The following SDC1 variants were observed in gnomAD, a reference collection of about 807,000 sequenced individuals.
SDC1 encodes syndecan 1, also known as syndecan-1.
Under a neutral mutation model 29.7 loss-of-function variants are expected in SDC1, and 14 were observed. The ratio of observed to expected loss-of-function variants is 0.47; its 90% CI spans 0.31 to 0.74. SDC1 has a LOEUF of 0.74. Ranked by LOEUF, SDC1 falls within the 30% of genes least tolerant of loss-of-function variation. The pLI, the probability that SDC1 is intolerant of heterozygous loss-of-function variation, is 0.05. For synonymous variants in SDC1, 204 were observed against 175.5 expected, an observed-to-expected ratio of 1.16 and a Z score of -1.29; for missense variants, 406 against 400.3, an observed-to-expected ratio of 1.01 and a Z score of -0.12.
At chr2:20,221,655 G>T (rs946319850) in intron 1 of SDC1, among the ~76,000 whole-genome samples, 4 of 152,166 alleles carry the variant, frequency 2.6e-5, no homozygotes, top group Non-Finnish European at 5.9e-5. Context: ...ATTCCCAAGG[G>T]ATTTCAGGAA....
In SDC1 at chr2:20,202,249, T is replaced by A; in HGVS notation, c.*517A>T. 1 of 778,466 alleles carries A rather than the reference T, an allele frequency of 1.3e-6. No homozygotes were observed. The highest frequency in any genetic ancestry group is 1.3e-5 in the South Asian group (1 of 74,324). 48.2% of individuals were successfully genotyped at this position (778,466 alleles called of 1,614,324 possible). On this transcript the variant is annotated 3_prime_UTR_variant, in exon 5 of 5. Transcript: ENST00000254351. ...TATGAACAAAGAACTAGAGGAAACA[T>A]GTGCAAAAACAAGTCGATATCTAGA...
intron 1 of SDC1, among the ~76,000 whole-genome samples, chr2:20,210,343 G>A (rs929730434): frequency 6.6e-6 from 1 of 152,152 alleles, no homozygotes. Context: ...TCTGGTCCTG[G>A]CCCGGCAGAG....
intron 1 of SDC1, among the ~76,000 whole-genome samples, chr2:20,223,858 A>T (rs1354185212): frequency 2.0e-5 from 3 of 152,184 alleles, no homozygotes; most frequent in Admixed American, 6.5e-5. Context: ...GTGGAGCGTC[A>T]GCCCCGCTGA....
At chr2:20,205,641 T>C (rs888938801) in intron 1 of SDC1, among the ~76,000 whole-genome samples, 1 of 152,082 alleles carries the variant, frequency 6.6e-6, no homozygotes, top group African/African-American at 2.4e-5. Context: ...TGGTACTGGG[T>C]GCAGGGCTGC....
intron 2 of SDC1, among the ~76,000 whole-genome samples, 159 bp downstream of exon 2, chr2:20,205,184 C>G (rs1216934435): frequency 1.3e-5 from 2 of 152,232 alleles, no homozygotes; most frequent in East Asian, 3.9e-4. Context: ...GGACCCCATT[C>G]CTCTCCTCAG....
chr2:20,206,909 C>T (rs1328558643), intron 1 of SDC1, among the ~76,000 whole-genome samples: 1 of 152,244 alleles, frequency 6.6e-6, no homozygotes, highest in Admixed American at 6.5e-5. Context: ...GCAGGCCTGT[C>T]TAGAAAGAGG....
Position 20,224,465 on chromosome 2 carries a change from C to A in SDC1, c.66+337G>T, listed in dbSNP as rs1677926924. ...GGGTCACCGACGGGGGCCCGGCCGC[C>A]GCGGTGGCCGGGGCGAGGAGGGTGG... On this transcript the variant is annotated intron_variant, in intron 1 of 4. Coordinates refer to ENST00000254351, the MANE Select transcript of SDC1 (RefSeq NM_002997.5). This position sits in a 1 kb window ranked among gnomAD's most constrained non-coding sequence, Gnocchi z 4.9. Among the ~76,000 whole-genome samples, 1 of 151,444 alleles carries A rather than the reference C, an allele frequency of 6.6e-6. No individual in the cohort carries two copies. Among genetic ancestry groups the A allele is most frequent in the Non-Finnish European group, 1.5e-5 (1 of 67,768 alleles).
At chr2:20,217,261 T>G (rs1336029098) in intron 1 of SDC1, among the ~76,000 whole-genome samples, 8 of 152,228 alleles carry the variant, frequency 5.3e-5, no homozygotes. Flanking sequence ...CTCTCTCGTC[T>G]GGTTCCAGTA....
intron 1 of SDC1, among the ~76,000 whole-genome samples, chr2:20,219,152 C>A (rs1280856698): frequency 6.6e-6 from 1 of 152,066 alleles, no homozygotes; most frequent in Non-Finnish European, 1.5e-5. Flanking sequence ...CCACGGCACA[C>A]CCCCCTTGCC....
At chr2:20,212,134 A>C (rs1182785866) in intron 1 of SDC1, among the ~76,000 whole-genome samples, 2 of 152,208 alleles carry the variant, frequency 1.3e-5, no homozygotes, top group African/African-American at 4.8e-5. Flanking sequence ...TCTGGGAACT[A>C]GACAGGGGTT....
At chr2:20,223,863 C>T (rs887558592) in intron 1 of SDC1, among the ~76,000 whole-genome samples, 1 of 152,210 alleles carries the variant, frequency 6.6e-6, no homozygotes, top group African/African-American at 2.4e-5. Context: ...GCGTCAGCCC[C>T]GCTGAAGGTG....
chr2:20,210,792 T>C (rs1677442212), intron 1 of SDC1, among the ~76,000 whole-genome samples: 2 of 152,094 alleles, frequency 1.3e-5, no homozygotes, highest in Non-Finnish European at 2.9e-5. Flanking sequence ...GACCCAGACC[T>C]GTTCCAGAAG....
rs1677004829 is a variant in SDC1 at position 20,201,432 on chromosome 2, A to G, written c.*1334T>C. On this transcript the variant is annotated 3_prime_UTR_variant, in exon 5 of 5. Coordinates refer to ENST00000254351, the MANE Select transcript of SDC1 (RefSeq NM_002997.5). The stretch of plus-strand genomic sequence containing the variant: ...TTTCCCAACATGTTGGTGTTTGCAG[A>G]AAAGTCCGGTCACGTCACACACAGC... The G allele has an allele frequency of 6.6e-6, 1 of 152,534 alleles. No homozygotes were observed. The highest frequency in any genetic ancestry group is 6.5e-5 in the Admixed American group (1 of 15,288). The allele number at this position is 152,534 out of a possible 1,614,324, so 9.4% of individuals were successfully genotyped here.
At chr2:20,207,975 T>C (rs1677333969) in intron 1 of SDC1, 1 of 985,292 alleles carries the variant, frequency 1.0e-6, no homozygotes, top group Non-Finnish European at 1.2e-6. Flanking sequence ...TGCCCTCTCC[T>C]GCTGCACCGC....
intron 1 of SDC1, among the ~76,000 whole-genome samples, chr2:20,214,989 T>C (rs1277254624): frequency 2.0e-5 from 3 of 152,224 alleles, no homozygotes; most frequent in African/African-American, 7.2e-5. Flanking sequence ...AAAGGAGCTA[T>C]GTCATCTGTC....
chr2:20,223,524 C>G (rs966311024), intron 1 of SDC1: 1 of 323,940 alleles, frequency 3.1e-6, no homozygotes, highest in Non-Finnish European at 6.1e-6. Flanking sequence ...GCCCCTGGCT[C>G]CGCACCTCCC....
At chr2:20,218,442 A>C (rs1316428530) in intron 1 of SDC1, among the ~76,000 whole-genome samples, 1 of 152,208 alleles carries the variant, frequency 6.6e-6, no homozygotes, top group Non-Finnish European at 1.5e-5. Context: ...CTGCAGCCTG[A>C]CAGGGGAAGG....
chr2:20,217,788 C>T, intron 1 of SDC1, among the ~76,000 whole-genome samples: 1 of 152,194 alleles, frequency 6.6e-6, no homozygotes, highest in Non-Finnish European at 1.5e-5. Context: ...CCCCACTGCC[C>T]CAACCTGCCC....
rs11544860 is a variant in SDC1, at chr2:20,224,894, G to A, written c.-27C>T. ...CTGCCCGGACCGGCGGCGGGAGAGCGGCAGGCTGCGCGGGTCGCGGCTGCG... is the reference window on the plus strand; with the variant it reads ...CTGCCCGGACCGGCGGCGGGAGAGCAGCAGGCTGCGCGGGTCGCGGCTGCG... On this transcript the variant is annotated 5_prime_UTR_variant, in exon 1 of 5. Transcript: ENST00000254351. The surrounding 1 kb of genome is among the most constrained non-coding windows in gnomAD (Gnocchi z 4.9). 75,778 of 1,212,194 alleles carry A rather than the reference G, an allele frequency of 0.063. 2,595 individuals are homozygous for A. Among genetic ancestry groups the A allele is most frequent in the Non-Finnish European group, 0.07 (68,421 of 976,240 alleles). 75.1% of individuals were successfully genotyped at this position (1,212,194 alleles called of 1,614,324 possible).
Sources: gnomAD v4.1 joint callset for allele counts (sites outside exome capture counted in the v4.1 genomes callset) on GRCh38, gnomAD v4.1.1 for gene constraint, Gnocchi (gnomAD v3.1) non-coding constraint, MANE v1.5 for transcripts, NCBI Gene and HGNC (gene_info 2026-07-23, HGNC 2026-07-21) for gene names.